HHAT: variants seen among roughly 807,000 people sequenced by gnomAD.
The protein encoded by HHAT is protein-cysteine N-palmitoyltransferase HHAT.
HHAT carries 47 observed loss-of-function variants against 70.8 expected under a neutral mutation model. The observed-to-expected ratio is 0.66, with a 90% CI of 0.53 to 0.85. The LOEUF is 0.85. HHAT is among the 40% of genes least tolerant of loss of function. HHAT has a pLI of 0.00. For missense variants in HHAT, 609 were observed against 604.8 expected (o/e 1.01, Z -0.07); for synonymous variants, 228 against 247.6 (o/e 0.92, Z 0.74).
intron 8 of HHAT, among the ~76,000 whole-genome samples, chr1:210,488,287 G>A (rs1486222432): frequency 2.0e-5 from 3 of 152,124 alleles, no homozygotes; most frequent in Non-Finnish European, 4.4e-5. Flanking sequence ...TTCAAAGTGA[G>A]GCTTACCTGG....
intron 1 of HHAT, among the ~76,000 whole-genome samples, chr1:210,345,373 G>A (rs1185075093): frequency 6.6e-6 from 1 of 152,162 alleles, no homozygotes; most frequent in Non-Finnish European, 1.5e-5. Flanking sequence ...GTATGAAAGC[G>A]CTCAGTGAGC....
intron 3 of HHAT, among the ~76,000 whole-genome samples, chr1:210,379,761 A>G (rs1208345387): frequency 6.6e-6 from 1 of 152,242 alleles, no homozygotes; most frequent in African/African-American, 2.4e-5. Context: ...ACAAGGACAT[A>G]ATACTTCATA....
intron 5 of HHAT, among the ~76,000 whole-genome samples, chr1:210,401,244 G>T (rs1158398412): frequency 6.6e-6 from 1 of 152,142 alleles, no homozygotes; most frequent in Non-Finnish European, 1.5e-5. Flanking sequence ...TCAACCGAGT[G>T]GGTGGGATAT....
intron 11 of HHAT, among the ~76,000 whole-genome samples, chr1:210,628,610 C>G (rs7533989): frequency 0.24 from 36,329 of 152,176 alleles, 5,170 homozygotes; most frequent in East Asian, 0.38. Flanking sequence ...GAATTTGGTT[C>G]TTTTTCCCTC....
chr1:210,464,613 C>G lies in HHAT; in HGVS notation c.965C>G (p.Pro322Arg). Residue 322 changes from proline (P) to arginine (R), a missense_variant, in exon 8 of 12, where the codon CCC becomes CGC. Transcript: ENST00000261458. ...GATGGACTCACTCCACCCGCCCTCC[C>G]CCGCTGCGTGAGCACCATGTTCAGT... The part of the protein sequence containing the change: ...RLDGLTPPAL[P>R]RCVSTMFSFT... 2 of 1,614,194 alleles carry G rather than the reference C, an allele frequency of 1.2e-6. No individual in the cohort carries two copies. Among genetic ancestry groups the G allele is most frequent in the South Asian group, 2.2e-5 (2 of 91,084 alleles).
intron 10 of HHAT, among the ~76,000 whole-genome samples, chr1:210,608,880 G>A (rs1234541695): frequency 2.0e-5 from 3 of 152,122 alleles, no homozygotes; most frequent in Non-Finnish European, 4.4e-5. Flanking sequence ...GTTCAACATG[G>A]CTGGGGAGGC....
At chr1:210,638,889 A>G (rs1436172032) in intron 11 of HHAT, among the ~76,000 whole-genome samples, 3 of 152,076 alleles carry the variant, frequency 2.0e-5, no homozygotes, top group African/African-American at 7.3e-5. Flanking sequence ...TGGGTGACAG[A>G]GTGAGACCCT....
At chr1:210,526,128 G>A (rs947102216) in intron 9 of HHAT, among the ~76,000 whole-genome samples, 5 of 152,166 alleles carry the variant, frequency 3.3e-5, no homozygotes, top group African/African-American at 1.2e-4. Context: ...GCGTGGTAGT[G>A]GTGACACCGA....
At chr1:210,479,785 T>C (rs1047358521) in intron 8 of HHAT, among the ~76,000 whole-genome samples, 4 of 152,234 alleles carry the variant, frequency 2.6e-5, no homozygotes, top group Non-Finnish European at 5.9e-5. Flanking sequence ...TGTACGTCAC[T>C]TTGACATAAA....
intron 10 of HHAT, among the ~76,000 whole-genome samples, chr1:210,609,307 T>C (rs1666133041): frequency 6.6e-6 from 1 of 152,182 alleles, no homozygotes; most frequent in Admixed American, 6.5e-5. Context: ...TATATCTTCT[T>C]ATTTATTTTG....
rs139341235 is a variant in HHAT at position 210,400,735 on chromosome 1, C to G, written c.468+73C>G. ...GCTTTGCCTTGATCCCAGTAGACAC[C>G]TTGGTTTTCAGACAAGAGATGATTG... On this transcript the variant is annotated intron_variant, in intron 5 of 11. Coordinates refer to ENST00000261458, the MANE Select transcript of HHAT (RefSeq NM_018194.6). The G allele has an allele frequency of 3.0e-4, 421 of 1,387,020 alleles. 1 individual carries two copies. In the African/African-American group the frequency reaches 5.7e-3, roughly 19 times the overall value. 85.9% of individuals were successfully genotyped at this position (1,387,020 alleles called of 1,614,324 possible).
chr1:210,642,104 G>A (rs551166300), intron 11 of HHAT, among the ~76,000 whole-genome samples: 72 of 152,132 alleles, frequency 4.7e-4, no homozygotes, highest in African/African-American at 1.7e-3. Context: ...AGTTGCATGC[G>A]TTTGCATATT....
intron 3 of HHAT, among the ~76,000 whole-genome samples, chr1:210,374,434 G>A (rs2090009658): frequency 3.9e-5 from 6 of 152,192 alleles, no homozygotes; most frequent in Admixed American, 3.9e-4. Flanking sequence ...ATTCTTTTAA[G>A]CTTTAAATAA....
At chr1:210,538,188 C>A (rs1418465176) in intron 9 of HHAT, among the ~76,000 whole-genome samples, 1 of 151,688 alleles carries the variant, frequency 6.6e-6, no homozygotes, top group Non-Finnish European at 1.5e-5. Flanking sequence ...TTGAAAATCA[C>A]AGCAAAAGGC....
chr1:210,657,992 T>C (rs1032585409), intron 11 of HHAT, among the ~76,000 whole-genome samples: 1 of 152,226 alleles, frequency 6.6e-6, no homozygotes, highest in Non-Finnish European at 1.5e-5. Context: ...GCCTGAAGCA[T>C]GGATCTGGCA....
chr1:210,637,793 G>A (rs1672155756), intron 11 of HHAT, among the ~76,000 whole-genome samples: 1 of 149,272 alleles, frequency 6.7e-6, no homozygotes, highest in Admixed American at 6.8e-5. Context: ...CCAGGAGGCA[G>A]AGGTTGCAGT....
intron 7 of HHAT, among the ~76,000 whole-genome samples, chr1:210,419,582 G>A (rs1320737824): frequency 6.6e-6 from 1 of 152,292 alleles, no homozygotes; most frequent in East Asian, 1.9e-4. Context: ...GAGGGCAAGA[G>A]TACAAGCCTG....
At chr1:210,652,229 A>G (rs566773251) in intron 11 of HHAT, among the ~76,000 whole-genome samples, 27 of 152,268 alleles carry the variant, frequency 1.8e-4, no homozygotes, top group Middle Eastern at 3.4e-3. Context: ...AAGGAAGGAA[A>G]GAAAGAATGG....
intron 8 of HHAT, among the ~76,000 whole-genome samples, chr1:210,468,220 A>T (rs191859750): frequency 6.6e-6 from 1 of 152,282 alleles, no homozygotes; most frequent in East Asian, 1.9e-4. Flanking sequence ...TTTAATTTAG[A>T]TGGGCTGAGA....
Sources: allele counts gnomAD v4.1 joint callset (sites outside exome capture counted in the v4.1 genomes callset), GRCh38; gene constraint gnomAD v4.1.1; transcripts MANE v1.5; gene names NCBI Gene and HGNC (gene_info 2026-07-23, HGNC 2026-07-21).